The following SNAPC3 variants were observed in gnomAD, a reference collection of about 807,000 sequenced individuals.
SNAPC3 encodes the protein small nuclear RNA activating complex polypeptide 3.
In SNAPC3, 56 loss-of-function variants were observed where a neutral mutation model predicts 47.7. The ratio of observed to expected loss-of-function variants is 1.18; its 90% CI spans 0.95 to 1.47. The LOEUF is 1.47. Ranked by LOEUF, SNAPC3 falls within the 40% of genes most tolerant of loss-of-function variation. The probability of loss-of-function intolerance (pLI) is 0.00; values close to 1 mark genes in which losing one functional copy is unlikely to be tolerated. For missense variants in SNAPC3, 665 were observed against 511.3 expected (o/e 1.30, Z -2.90); for synonymous variants, 235 against 189.9 (o/e 1.24, Z -1.95).
At chr9:15,456,804 A>G (rs751910633) in intron 7 of SNAPC3, among the ~76,000 whole-genome samples, 8 of 152,178 alleles carry the variant, frequency 5.3e-5, no homozygotes, top group Non-Finnish European at 1.0e-4. Flanking sequence ...TATTAAGAGT[A>G]TGCAATGTAG....
In SNAPC3 at chr9:15,461,040, A is replaced by G. The variant is rs2035172354; in HGVS notation, c.*1174A>G. The G allele has an allele frequency of 6.6e-6, 1 of 152,110 alleles. No homozygotes were observed. Among genetic ancestry groups the G allele is most frequent in the African/African-American group, 2.4e-5 (1 of 41,432 alleles). 9.4% of individuals were successfully genotyped at this position (152,110 alleles called of 1,614,324 possible). A position where few individuals can be genotyped will look rare whatever the true frequency, so the allele number is the denominator to read the frequency against. On this transcript the variant is annotated 3_prime_UTR_variant, in exon 9 of 9. Coordinates refer to ENST00000380821, the MANE Select transcript of SNAPC3 (RefSeq NM_001039697.2). Reference sequence around the variant, plus strand: ...ACTATTGGATATATACCAAAATTATATAAGCAAAAAGAAAAAAAATAAGTT... The same window carrying G: ...ACTATTGGATATATACCAAAATTATGTAAGCAAAAAGAAAAAAAATAAGTT...
chr9:15,447,694 G>A (rs1450070798), intron 5 of SNAPC3, among the ~76,000 whole-genome samples: 8 of 151,984 alleles, frequency 5.3e-5, no homozygotes, highest in Admixed American at 4.6e-4. Context: ...TCATTCACTC[G>A]TTTGAAGCTC....
intron 7 of SNAPC3, among the ~76,000 whole-genome samples, chr9:15,457,090 A>G (rs188975218): frequency 1.3e-5 from 2 of 152,306 alleles, no homozygotes; most frequent in African/African-American, 2.4e-5. Flanking sequence ...ATTGACTTCC[A>G]TTTCTTTTTT....
In SNAPC3 at chr9:15,436,087, A is replaced by G. The variant is rs141619938; in HGVS notation, c.477+2451A>G. On this transcript the variant is annotated intron_variant, in intron 3 of 8. Coordinates refer to ENST00000380821, the MANE Select transcript of SNAPC3 (RefSeq NM_001039697.2). Reference sequence around the variant, plus strand: ...TCGAACTCCTGACCTCAGGTGATCCATGCGCCTCGGTCTCCCAAAGTGCTG... The same window carrying G: ...TCGAACTCCTGACCTCAGGTGATCCGTGCGCCTCGGTCTCCCAAAGTGCTG... 1.9e-3 allele frequency among the ~76,000 whole-genome samples: 287 copies of G among 152,228 alleles called. 3 individuals are homozygous for G. The highest frequency in any genetic ancestry group is 6.5e-3 in the African/African-American group (271 of 41,556).
Position 15,459,960 on chromosome 9 carries a change from CCA to C in SNAPC3, c.*96_*97del, listed in dbSNP as rs2131987687. On this transcript the variant is annotated 3_prime_UTR_variant, in exon 9 of 9. Transcript: ENST00000380821. The stretch of plus-strand genomic sequence containing the variant: ...AAGAAACGCCACTGAGGAACAGGAT[CCA>C]CTTTGAACAGTCCGCTAAAGCTATC... The C allele has an allele frequency of 2.7e-6, 3 of 1,107,048 alleles. No individual in the cohort carries two copies. The highest frequency in any genetic ancestry group is 3.5e-5 in the South Asian group (2 of 56,700). The allele number at this position is 1,107,048 out of a possible 1,614,324, so 68.6% of individuals were successfully genotyped here.
chr9:15,444,825 C>T, intron 4 of SNAPC3, 119 bp downstream of exon 4: 1 of 561,828 alleles, frequency 1.8e-6, no homozygotes, highest in Non-Finnish European at 3.1e-6. Flanking sequence ...GGAGTGGTGG[C>T]TCATGCCTGT....
chr9:15,441,948 C>G (rs1457755694), intron 3 of SNAPC3, among the ~76,000 whole-genome samples: 1 of 152,186 alleles, frequency 6.6e-6, no homozygotes, highest in African/African-American at 2.4e-5. Flanking sequence ...CAGAGGAGCT[C>G]CTCACTTCCC....
chr9:15,461,759 C>G (rs1311070414), downstream of SNAPC3: 1 of 152,176 alleles, frequency 6.6e-6, no homozygotes, highest in East Asian at 1.9e-4. Flanking sequence ...TTAAATGCCA[C>G]AAACAGTTAA....
intron 3 of SNAPC3, among the ~76,000 whole-genome samples, chr9:15,443,298 C>T (rs1205450580): frequency 6.6e-6 from 1 of 152,186 alleles, no homozygotes; most frequent in Non-Finnish European, 1.5e-5. Flanking sequence ...GACACTTTGA[C>T]TAGTAATTCC....
chr9:15,422,885 T>C lies in SNAPC3; in HGVS notation c.6T>C (p.Ala2=), dbSNP rs752370665. The C allele has an allele frequency of 3.9e-5, 60 of 1,535,658 alleles. No homozygotes were observed. The highest frequency in any genetic ancestry group is 9.8e-5 in the African/African-American group (7 of 71,266). ...GGGGAAGGAGTGGGGCGAACATGGCTGAAGGAAGCCGAGGTGGCCCTACGT... is the reference window on the plus strand; with the variant it reads ...GGGGAAGGAGTGGGGCGAACATGGCCGAAGGAAGCCGAGGTGGCCCTACGT... M[A]EGSRGGPTCS... The change falls in exon 1 of 9, where the codon GCT becomes GCC. Residue 2 remains alanine, a synonymous_variant. Coordinates refer to ENST00000380821, the MANE Select transcript of SNAPC3 (RefSeq NM_001039697.2).
At chr9:15,451,661 C>A (rs1342141201) in intron 6 of SNAPC3, among the ~76,000 whole-genome samples, 1 of 152,018 alleles carries the variant, frequency 6.6e-6, no homozygotes, top group South Asian at 2.1e-4. Flanking sequence ...CCTGTGAATA[C>A]CCACTGCTTT....
At chr9:15,458,919 G>A (rs1250971904) in intron 8 of SNAPC3, among the ~76,000 whole-genome samples, 1 of 152,022 alleles carries the variant, frequency 6.6e-6, no homozygotes, top group African/African-American at 2.4e-5. Context: ...TTCTCAGTGG[G>A]ATGTTCAACC....
chr9:15,438,119 T>C (rs1288869805), intron 3 of SNAPC3, among the ~76,000 whole-genome samples: 2 of 152,242 alleles, frequency 1.3e-5, no homozygotes, highest in Non-Finnish European at 2.9e-5. Flanking sequence ...TGGGCTTTTC[T>C]TTGTTGGGAG....
At chr9:15,449,350 G>C (rs985102873) in intron 5 of SNAPC3, among the ~76,000 whole-genome samples, 2 of 151,876 alleles carry the variant, frequency 1.3e-5, no homozygotes, top group Non-Finnish European at 2.9e-5. Context: ...ATCAAGTCCA[G>C]TCTGGGCAAC....
intron 2 of SNAPC3, among the ~76,000 whole-genome samples, chr9:15,425,146 C>G (rs2031189748): frequency 6.6e-6 from 1 of 152,226 alleles, no homozygotes. Context: ...TTTTCAACCA[C>G]TTTCTCTTTC....
Position 15,448,605 on chromosome 9 carries a change from G to A in SNAPC3, c.732+1361G>A, listed in dbSNP as rs1406193418. On this transcript the variant is annotated intron_variant, in intron 5 of 8. Coordinates refer to ENST00000380821, the MANE Select transcript of SNAPC3 (RefSeq NM_001039697.2). ...TGTGTGTCCGTCTGCTCCACAGGCTGACTATATTCGTTTTTGGTGACTAGT... is the reference window on the plus strand; with the variant it reads ...TGTGTGTCCGTCTGCTCCACAGGCTAACTATATTCGTTTTTGGTGACTAGT... Among the ~76,000 whole-genome samples, 7 of 152,160 alleles carry A rather than the reference G, an allele frequency of 4.6e-5. 1 individual carries two copies. Among genetic ancestry groups the A allele is most frequent in the Admixed American group, 4.6e-4 (7 of 15,274 alleles).
chr9:15,433,134 T>TA (rs1283739454), intron 2 of SNAPC3, among the ~76,000 whole-genome samples: 2 of 152,166 alleles, frequency 1.3e-5, no homozygotes, highest in African/African-American at 4.8e-5. Flanking sequence ...GGACATTCTA[T>TA]AAAATAACTG....
chr9:15,435,104 A>C (rs1050690376), intron 3 of SNAPC3, among the ~76,000 whole-genome samples: 8 of 152,134 alleles, frequency 5.3e-5, no homozygotes, highest in African/African-American at 1.9e-4. Context: ...AATAATAGCC[A>C]TCCTTGTGGG....
In SNAPC3 at chr9:15,423,968, C is replaced by A. The variant is rs146005437; in HGVS notation, c.374C>A (p.Thr125Asn). ...GEDPEVIPEN[T>N]DLVTLGVRKR... ...GATCCAGAAGTCATTCCGGAGAATA[C>A]TGACCTGGTGACTTTGGGGTATGGA... is the stretch of plus-strand genomic sequence containing the variant. Residue 125 changes from threonine (T) to asparagine (N), a missense_variant, in exon 2 of 9, where the codon ACT becomes AAT. Transcript: ENST00000380821. 23 of 1,580,962 alleles carry A rather than the reference C, an allele frequency of 1.5e-5. No individual in the cohort carries two copies. The highest frequency in any genetic ancestry group is 2.0e-5 in the Non-Finnish European group (23 of 1,164,118).
Sources: allele counts gnomAD v4.1 joint callset (sites outside exome capture counted in the v4.1 genomes callset), GRCh38; gene constraint gnomAD v4.1.1; transcripts MANE v1.5; gene names NCBI Gene and HGNC (gene_info 2026-07-23, HGNC 2026-07-21).